PARPBP: variants seen among roughly 807,000 people sequenced by gnomAD.
The protein encoded by PARPBP is PCNA-interacting partner.
PARPBP carries 52 observed loss-of-function variants against 50.0 expected under a neutral mutation model. That is an observed-to-expected ratio of 1.04 (90% CI 0.83 to 1.31). The LOEUF (loss-of-function observed/expected upper bound fraction) is 1.31, where lower values mean the gene tolerates loss of function less well. PARPBP is among the 50% of genes most tolerant of loss of function. PARPBP has a pLI of 0.00. For synonymous variants in PARPBP, 244 were observed against 232.1 expected, an observed-to-expected ratio of 1.05 and a Z score of -0.47; for missense variants, 697 against 672.0, an observed-to-expected ratio of 1.04 and a Z score of -0.41.
chr12:102,196,521 A>C lies in PARPBP; in HGVS notation c.*230A>C. On this transcript the variant is annotated 3_prime_UTR_variant, in exon 11 of 11. Transcript: ENST00000327680. ...AGCATATCATTTCAGTTACTGATAC[A>C]TCTTAACACTACTTTCTTTTAAAAC... The C allele has an allele frequency of 2.5e-6, 2 of 790,052 alleles. No homozygotes were observed. Among genetic ancestry groups the C allele is most frequent in the Non-Finnish European group, 4.4e-6 (2 of 453,722 alleles). 48.9% of individuals were successfully genotyped at this position (790,052 alleles called of 1,614,324 possible). A position where few individuals can be genotyped will look rare whatever the true frequency, so the allele number is the denominator to read the frequency against.
chr12:102,196,773 A>T lies in PARPBP; in HGVS notation c.*482A>T. ...ACACAAAATTTATTAAGAAAAAAAG[A>T]ATGGATCTAGTATAACTAATTCTGA... On this transcript the variant is annotated 3_prime_UTR_variant, in exon 11 of 11. Coordinates refer to ENST00000327680, the MANE Select transcript of PARPBP (RefSeq NM_017915.5). 1 of 1,249,048 alleles carries T rather than the reference A, an allele frequency of 8.0e-7. No homozygotes were observed. The highest frequency in any genetic ancestry group is 1.2e-6 in the Non-Finnish European group (1 of 853,618). 77.4% of individuals were successfully genotyped at this position (1,249,048 alleles called of 1,614,324 possible).
At chr12:102,188,967 G>A (rs1209735417) in intron 9 of PARPBP, among the ~76,000 whole-genome samples, 1 of 151,976 alleles carries the variant, frequency 6.6e-6, no homozygotes, top group East Asian at 1.9e-4. Context: ...CTTGAAGATG[G>A]AGCATTAAAA....
chr12:102,177,480 A>G (rs1411564512), intron 7 of PARPBP, among the ~76,000 whole-genome samples: 3 of 152,088 alleles, frequency 2.0e-5, no homozygotes, highest in African/African-American at 7.2e-5. Context: ...GCTTACATGT[A>G]TCTATACATA....
At chr12:102,154,462 A>G (rs1886616199) in intron 4 of PARPBP, among the ~76,000 whole-genome samples, 1 of 152,188 alleles carries the variant, frequency 6.6e-6, no homozygotes. Context: ...GCTGAATACT[A>G]TGCTGGGTAC....
In PARPBP at chr12:102,165,838, T is replaced by C; in HGVS notation, c.776T>C (p.Phe259Ser). The C allele has an allele frequency of 1.3e-6, 2 of 1,582,938 alleles. No individual in the cohort carries two copies. Among genetic ancestry groups the C allele is most frequent in the Non-Finnish European group, 1.7e-6 (2 of 1,152,948 alleles). The change falls in exon 6 of 11, where the codon TTC becomes TCC. Residue 259 changes from phenylalanine (F) to serine (S), a missense_variant. Physicochemically the swap from Phe to Ser is radical, Grantham distance 155 (BLOSUM62 -2). Transcript: ENST00000327680. ...HVKGLSNFIN[F>S]IDKLDEILGE... ...AAGGGATTGTCTAATTTTATTAATT[T>C]CATTGACAAATTAGATGAGATTCTT... is the stretch of plus-strand genomic sequence containing the variant.
chr12:102,170,530 A>G (rs778370218), intron 6 of PARPBP, among the ~76,000 whole-genome samples: 21 of 152,250 alleles, frequency 1.4e-4, no homozygotes, highest in Non-Finnish European at 5.9e-5. Flanking sequence ...TTCAGAATGC[A>G]GTATAAAACA....
chr12:102,154,040 G>T, intron 4 of PARPBP, 64 bp downstream of exon 4: 1 of 1,010,842 alleles, frequency 9.9e-7, no homozygotes, highest in Non-Finnish European at 1.5e-6. Flanking sequence ...TGAATTTGGT[G>T]GTACCTTAAA....
chr12:102,182,201 G>A (rs563996136), intron 8 of PARPBP, among the ~76,000 whole-genome samples: 2 of 152,254 alleles, frequency 1.3e-5, no homozygotes, highest in East Asian at 3.9e-4. Flanking sequence ...GGAAGCAGCA[G>A]TGAACCACAG....
intron 6 of PARPBP, among the ~76,000 whole-genome samples, chr12:102,166,612 T>G (rs1888167889): frequency 6.6e-6 from 1 of 152,188 alleles, no homozygotes; most frequent in South Asian, 2.1e-4. Context: ...ATACTATTAC[T>G]ATTCCTAATT....
Position 102,163,635 on chromosome 12 carries a change from TCTC to T in PARPBP, c.496-800_496-798del, listed in dbSNP as rs1038580044. ...CTTTCATCTTTTTTGTTGTTGTTGT[TCTC>T]CTTTGTTTTTCAGATTTGATAATAT... On this transcript the variant is annotated intron_variant, in intron 4 of 10. Transcript: ENST00000327680. 4.6e-5 allele frequency among the ~76,000 whole-genome samples: 7 copies of T among 152,144 alleles called. 1 individual carries two copies. The South Asian group carries it at 8.3e-4, about 18-fold the overall frequency.
At chr12:102,146,379 A>G (rs1885356826) in intron 2 of PARPBP, among the ~76,000 whole-genome samples, 1 of 152,208 alleles carries the variant, frequency 6.6e-6, no homozygotes, top group Non-Finnish European at 1.5e-5. Flanking sequence ...ATATAGATCA[A>G]TGGAACAGAA....
At chr12:102,142,797 C>T (rs1884817897) in intron 2 of PARPBP, among the ~76,000 whole-genome samples, 2 of 152,200 alleles carry the variant, frequency 1.3e-5, no homozygotes, top group South Asian at 4.1e-4. Flanking sequence ...GTGGAGGCTG[C>T]AGAACAGCAA....
chr12:102,181,320 C>T, intron 8 of PARPBP, among the ~76,000 whole-genome samples: 1 of 152,082 alleles, frequency 6.6e-6, no homozygotes, highest in East Asian at 1.9e-4. Context: ...GAAATAATGA[C>T]ACTTTTATAA....
chr12:102,131,900 G>A (rs11519706), intron 2 of PARPBP, among the ~76,000 whole-genome samples: 22,301 of 152,112 alleles, frequency 0.15, 1,762 homozygotes, highest in Non-Finnish European at 0.18. Context: ...GCTTAATACC[G>A]GGGTGACAAA....
intron 3 of PARPBP, among the ~76,000 whole-genome samples, chr12:102,152,578 A>AAAC (rs1886345717): frequency 2.0e-5 from 3 of 152,334 alleles, no homozygotes; most frequent in Admixed American, 1.3e-4. Context: ...CTGACAATTC[A>AAAC]AGTTGTTCAC....
At chr12:102,171,148 CTT>C (rs113616417) in intron 6 of PARPBP, among the ~76,000 whole-genome samples, 7 of 140,384 alleles carry the variant, frequency 5.0e-5, no homozygotes, top group Admixed American at 2.1e-4. Flanking sequence ...TCAGTTAGTG[CTT>C]TTTTTTTTTT....
intron 2 of PARPBP, among the ~76,000 whole-genome samples, chr12:102,141,980 C>T (rs568263222): frequency 6.6e-5 from 10 of 152,172 alleles, no homozygotes; most frequent in Admixed American, 3.9e-4. Context: ...TTGGTCTTCT[C>T]GAGGAGTATC....
Position 102,148,379 on chromosome 12 carries a change from C to T in PARPBP, c.303C>T (p.Asn101=), listed in dbSNP as rs766545153. ...AGATTTATGATGATTTCTTGAAGAA[C>T]AGTAATATGTTAGATCTGATTGATG... ...VRKIYDDFLK[N]SNMLDLIDVY... Residue 101 remains asparagine (N), a synonymous_variant, in exon 3 of 11, where the codon AAC becomes AAT. Coordinates refer to ENST00000327680, the MANE Select transcript of PARPBP (RefSeq NM_017915.5). 1.3e-6 allele frequency: 2 copies of T among 1,585,624 alleles called. No individual in the cohort carries two copies. Among genetic ancestry groups the T allele is most frequent in the Middle Eastern group, 1.7e-4 (1 of 6,010 alleles).
At chr12:102,147,057 G>A (rs1035048490) in intron 2 of PARPBP, among the ~76,000 whole-genome samples, 2 of 152,086 alleles carry the variant, frequency 1.3e-5, no homozygotes, top group Admixed American at 1.3e-4. Flanking sequence ...TCATTAAAAA[G>A]TCAGGATACA....
Sources: gnomAD v4.1 joint callset for allele counts (sites outside exome capture counted in the v4.1 genomes callset) on GRCh38, gnomAD v4.1.1 for gene constraint, MANE v1.5 for transcripts, NCBI Gene and HGNC (gene_info 2026-07-23, HGNC 2026-07-21) for gene names.